TBCK: variants seen among roughly 807,000 people sequenced by gnomAD.
The protein encoded by TBCK is TBC1 domain containing kinase.
In TBCK, 99 loss-of-function variants were observed where a neutral mutation model predicts 113.4. That is an observed-to-expected ratio of 0.87 (90% CI 0.74 to 1.03). The LOEUF is 1.03. Among genes scored for constraint, TBCK ranks in the 50% least tolerant of loss-of-function variants. The pLI, the probability that TBCK is intolerant of heterozygous loss-of-function variation, is 0.00. For missense variants in TBCK, 1,045 were observed against 1,061.3 expected, an observed-to-expected ratio of 0.98 and a Z score of 0.21; for synonymous variants, 369 against 370.8, an observed-to-expected ratio of 1.00 and a Z score of 0.05.
intron 23 of TBCK, among the ~76,000 whole-genome samples, chr4:106,119,928 G>A (rs978259338): frequency 1.1e-4 from 17 of 152,148 alleles, no homozygotes; most frequent in Admixed American, 6.5e-4. Context: ...CTAATAAAGA[G>A]AGAAATGCAA....
At chr4:106,198,593 TATG>T (rs1754522356) in intron 20 of TBCK, among the ~76,000 whole-genome samples, 1 of 152,146 alleles carries the variant, frequency 6.6e-6, no homozygotes, top group Non-Finnish European at 1.5e-5. Context: ...GTATATTTTT[TATG>T]ATACCTATCC....
intron 21 of TBCK, 105 bp downstream of exon 21, chr4:106,194,613 C>T: frequency 1.2e-6 from 1 of 852,364 alleles, no homozygotes; most frequent in Non-Finnish European, 1.8e-6. Flanking sequence ...CATAAAAATA[C>T]TTACTAAATC....
chr4:106,164,019 G>A (rs1750091996), intron 23 of TBCK, among the ~76,000 whole-genome samples: 1 of 152,032 alleles, frequency 6.6e-6, no homozygotes, highest in South Asian at 2.1e-4. Context: ...GCCAATGGTA[G>A]AATAAGATTA....
At chr4:106,275,196 G>A (rs751230445) in intron 3 of TBCK, among the ~76,000 whole-genome samples, 1 of 152,124 alleles carries the variant, frequency 6.6e-6, no homozygotes, top group East Asian at 1.9e-4. Context: ...AGTCTCAATA[G>A]AGATTCAAAA....
chr4:106,132,778 A>G (rs528871559), intron 23 of TBCK, among the ~76,000 whole-genome samples: 3 of 152,346 alleles, frequency 2.0e-5, no homozygotes, highest in Non-Finnish European at 4.4e-5. Flanking sequence ...ACCTGGATGT[A>G]AGACATGGAG....
At chr4:106,316,396 G>A (rs1561016774), upstream of TBCK, 3 of 717,346 alleles carry the variant, frequency 4.2e-6, no homozygotes, top group Non-Finnish European at 7.2e-6. Flanking sequence ...GGGAATGGAA[G>A]ACGAGGAGCG....
chr4:106,305,290 A>G (rs1767395661), intron 2 of TBCK, among the ~76,000 whole-genome samples: 1 of 146,766 alleles, frequency 6.8e-6, no homozygotes, highest in African/African-American at 2.5e-5. Context: ...GTCTTTTTAA[A>G]TTAAGAATAA....
chr4:106,214,672 A>T (rs543509779), intron 19 of TBCK, among the ~76,000 whole-genome samples: 6,844 of 152,206 alleles, frequency 0.045, 505 homozygotes, highest in African/African-American at 0.15. Flanking sequence ...AGAAAAAAGA[A>T]TAAAAAGAAA....
At chr4:106,160,771 C>A (rs1216484023) in intron 23 of TBCK, among the ~76,000 whole-genome samples, 1 of 151,836 alleles carries the variant, frequency 6.6e-6, no homozygotes, top group East Asian at 1.9e-4. Flanking sequence ...TGGATATATG[C>A]CAAAAGGAAC....
In TBCK at chr4:106,230,372, C is replaced by A; in HGVS notation, c.1765G>T (p.Val589Leu). Residue 589 changes from valine (V) to leucine (L), a missense_variant, in exon 19 of 26, where the codon GTA (valine) becomes TTA (leucine). Coordinates refer to ENST00000394708, the MANE Select transcript of TBCK (RefSeq NM_001163435.3). Reference sequence around the variant, plus strand: ...GAAGACATTTGCTTACCTTGTATTACATGTGAGTTGTCTTTTAAGAAGAAG... The same window carrying A: ...GAAGACATTTGCTTACCTTGTATTAAATGTGAGTTGTCTTTTAAGAAGAAG... ...YNFFLKDNSH[V>L]IQEYLTVFSQ... The A allele has an allele frequency of 1.3e-6, 2 of 1,588,358 alleles. No homozygotes were observed. Among genetic ancestry groups the A allele is most frequent in the Non-Finnish European group, 1.7e-6 (2 of 1,161,396 alleles).
chr4:106,061,438 C>CTTTTTTT (rs34326247), intron 25 of TBCK, among the ~76,000 whole-genome samples: 1 of 142,028 alleles, frequency 7.0e-6, no homozygotes. Flanking sequence ...TGTTAGCATA[C>CTTTTTTT]TTTTTTTTTT....
chr4:106,069,463 G>C (rs1404656956), intron 25 of TBCK, among the ~76,000 whole-genome samples: 1 of 152,080 alleles, frequency 6.6e-6, no homozygotes, highest in Admixed American at 6.5e-5. Context: ...GTAGATGTGT[G>C]GTGTTATTTC....
At chr4:106,073,460 T>C (rs1737749232) in intron 25 of TBCK, among the ~76,000 whole-genome samples, 1 of 152,158 alleles carries the variant, frequency 6.6e-6, no homozygotes, top group African/African-American at 2.4e-5. Context: ...GAACAGCAAA[T>C]ACTGCTGCCT....
chr4:106,043,948 A>C lies in TBCK; in HGVS notation c.*2622T>G, dbSNP rs987697846. ...TTCGTATCATCCACCATGAAATAAC[A>C]TGCCCTGTGTATAAACATGGCAGTG... is the stretch of plus-strand genomic sequence containing the variant. On this transcript the variant is annotated 3_prime_UTR_variant, in exon 26 of 26. Transcript: ENST00000394708. The C allele has an allele frequency of 2.0e-5, 3 of 152,176 alleles. No individual in the cohort carries two copies. Among genetic ancestry groups the C allele is most frequent in the African/African-American group, 7.2e-5 (3 of 41,432 alleles). The allele number at this position is 152,176 out of a possible 1,614,324, so 9.4% of individuals were successfully genotyped here.
intron 5 of TBCK, among the ~76,000 whole-genome samples, chr4:106,258,807 G>C (rs1472724468): frequency 6.6e-6 from 1 of 151,922 alleles, no homozygotes; most frequent in East Asian, 1.9e-4. Flanking sequence ...AAAGGAGCTA[G>C]AGCCTCACTA....
At chr4:106,050,628 T>C (rs924502654) in intron 25 of TBCK, among the ~76,000 whole-genome samples, 2 of 152,012 alleles carry the variant, frequency 1.3e-5, no homozygotes, top group Non-Finnish European at 2.9e-5. Context: ...TAGAAAATAT[T>C]CTCAACTGAT....
At chr4:106,258,047 T>A (rs1462281691) in intron 5 of TBCK, among the ~76,000 whole-genome samples, 1 of 152,076 alleles carries the variant, frequency 6.6e-6, no homozygotes, top group East Asian at 1.9e-4. Flanking sequence ...AGGACAGAGA[T>A]AAACTTTGTT....
chr4:106,078,080 T>C (rs1289204212), intron 25 of TBCK, among the ~76,000 whole-genome samples: 1 of 152,164 alleles, frequency 6.6e-6, no homozygotes, highest in Non-Finnish European at 1.5e-5. Context: ...AATCAAAACA[T>C]TATTTGAAAT....
chr4:106,215,394 G>T (rs1399944090), intron 19 of TBCK, among the ~76,000 whole-genome samples: 25 of 152,058 alleles, frequency 1.6e-4, no homozygotes, highest in Admixed American at 7.2e-4. Flanking sequence ...ATGGACTAAA[G>T]GCTCCAGTTA....
Sources: gnomAD v4.1 joint callset for allele counts (sites outside exome capture counted in the v4.1 genomes callset) on GRCh38, gnomAD v4.1.1 for gene constraint, MANE v1.5 for transcripts, NCBI Gene and HGNC (gene_info 2026-07-23, HGNC 2026-07-21) for gene names.